The following PRKCB variants were observed in gnomAD, a reference collection of about 807,000 sequenced individuals.
The protein encoded by PRKCB is protein kinase C beta.
In PRKCB, 13 loss-of-function variants were observed where a neutral mutation model predicts 81.5. The observed-to-expected ratio is 0.16, with a 90% CI of 0.10 to 0.25. PRKCB has a LOEUF of 0.25. PRKCB is among the 10% of genes least tolerant of loss of function. PRKCB has a pLI of 1.00. For missense variants in PRKCB, 509 were observed against 875.7 expected (o/e 0.58, Z 5.29); for synonymous variants, 335 against 321.4 (o/e 1.04, Z -0.45).
intron 5 of PRKCB, among the ~76,000 whole-genome samples, chr16:24,079,029 G>A (rs1436516608): frequency 6.6e-6 from 1 of 152,190 alleles, no homozygotes; most frequent in Non-Finnish European, 1.5e-5. Flanking sequence ...TATACATCCA[G>A]ATGGCCTGAA....
At chr16:24,002,655 A>T (rs1965054070) in intron 3 of PRKCB, among the ~76,000 whole-genome samples, 1 of 151,956 alleles carries the variant, frequency 6.6e-6, no homozygotes, top group South Asian at 2.1e-4. Context: ...GGTGTTTTTT[A>T]AGCCTTTGTT....
intron 2 of PRKCB, among the ~76,000 whole-genome samples, chr16:23,882,043 T>TTCCTTCCTTCCTTCCTTCCTTCCTTC (rs1963130599): frequency 8.3e-6 from 1 of 120,600 alleles, no homozygotes; most frequent in Non-Finnish European, 1.7e-5. Flanking sequence ...CCTTCCTTCC[T>TTCCTTCCTTCCTTCCTTCCTTCCTTC]TCCTTCCTTC....
At chr16:24,210,763 G>C (rs923684059) in intron 16 of PRKCB, among the ~76,000 whole-genome samples, 3 of 152,128 alleles carry the variant, frequency 2.0e-5, no homozygotes, top group Non-Finnish European at 4.4e-5. Context: ...GCCTCTCAAA[G>C]TGCTGGGATT....
At chr16:23,863,815 A>G (rs573292455) in intron 2 of PRKCB, among the ~76,000 whole-genome samples, 61 of 152,286 alleles carry the variant, frequency 4.0e-4, no homozygotes, top group African/African-American at 5.8e-4. Flanking sequence ...ATCCATCAGC[A>G]CCAAGAATGT....
chr16:23,939,785 A>G (rs7202347), intron 2 of PRKCB, among the ~76,000 whole-genome samples: 52,405 of 152,088 alleles, frequency 0.34, 9,293 homozygotes, highest in South Asian at 0.52. Context: ...TTTGGAATCT[A>G]GGGTCAGGGA....
intron 2 of PRKCB, among the ~76,000 whole-genome samples, chr16:23,844,420 T>G (rs908383415): frequency 1.5e-4 from 23 of 152,336 alleles, no homozygotes; most frequent in African/African-American, 5.5e-4. Flanking sequence ...ATCCCTCCAT[T>G]TATCCACCCA....
At chr16:24,045,446 T>G (rs929298847) in intron 5 of PRKCB, among the ~76,000 whole-genome samples, 9 of 152,194 alleles carry the variant, frequency 5.9e-5, no homozygotes, top group African/African-American at 2.2e-4. Context: ...GCATATGTTC[T>G]GGGAACCACC....
chr16:23,935,613 A>G (rs1964047645), intron 2 of PRKCB, among the ~76,000 whole-genome samples: 1 of 152,236 alleles, frequency 6.6e-6, no homozygotes, highest in Non-Finnish European at 1.5e-5. Context: ...ACTCAAAAAA[A>G]AATACAAAAT....
Position 24,219,202 on chromosome 16 carries a change from AG to A in PRKCB, c.*4387del. On this transcript the variant is annotated 3_prime_UTR_variant, in exon 17 of 17. Coordinates refer to ENST00000643927, the MANE Select transcript of PRKCB (RefSeq NM_002738.7). ...CTCCACCTCCCTACTGAACAAAAAA[AG>A]AAATGCCAGACTTACTAGGAGAATC... 2.0e-6 allele frequency: 2 copies of A among 985,414 alleles called. No individual in the cohort carries two copies. Among genetic ancestry groups the A allele is most frequent in the Non-Finnish European group, 2.4e-6 (2 of 829,992 alleles). 61.0% of individuals were successfully genotyped at this position (985,414 alleles called of 1,614,324 possible).
intron 9 of PRKCB, among the ~76,000 whole-genome samples, chr16:24,125,243 C>A (rs1296141121): frequency 1.3e-5 from 2 of 152,182 alleles, no homozygotes; most frequent in Non-Finnish European, 2.9e-5. Context: ...TGCTTAAGAC[C>A]CTCCAATGAC....
At chr16:24,073,234 G>A (rs1442904544) in intron 5 of PRKCB, among the ~76,000 whole-genome samples, 1 of 152,192 alleles carries the variant, frequency 6.6e-6, no homozygotes, top group African/African-American at 2.4e-5. Context: ...CTGTGATTAA[G>A]GTCAGGATTA....
intron 2 of PRKCB, among the ~76,000 whole-genome samples, chr16:23,986,322 T>C (rs910055863): frequency 6.6e-6 from 1 of 152,162 alleles, no homozygotes. Context: ...GGTGCAGTCA[T>C]GGCTCACTGC....
intron 2 of PRKCB, among the ~76,000 whole-genome samples, chr16:23,914,740 C>T (rs78579485): frequency 1.5e-3 from 225 of 152,294 alleles, no homozygotes; most frequent in Non-Finnish European, 2.5e-3. Context: ...ATCGATTTCA[C>T]TCATTTGGGC....
intron 2 of PRKCB, among the ~76,000 whole-genome samples, chr16:23,873,837 C>G (rs552721897): frequency 2.5e-4 from 38 of 152,272 alleles, no homozygotes; most frequent in Non-Finnish European, 5.1e-4. Flanking sequence ...ACTCTTCATC[C>G]TGCTTTTCAA....
intron 2 of PRKCB, among the ~76,000 whole-genome samples, chr16:23,841,159 A>G (rs1962256903): frequency 6.6e-6 from 1 of 151,738 alleles, no homozygotes; most frequent in Admixed American, 6.6e-5. Context: ...ACTCACGGTA[A>G]CCTCCATCTC....
chr16:24,021,083 C>CTTTCTTTT (rs1419276170), intron 3 of PRKCB, among the ~76,000 whole-genome samples: 2 of 120,872 alleles, frequency 1.7e-5, no homozygotes, highest in Admixed American at 8.4e-5. Flanking sequence ...TTCTTTCTTT[C>CTTTCTTTT]TTTCTTTTTT....
At chr16:24,158,552 A>AAG (rs55845287) in intron 10 of PRKCB, among the ~76,000 whole-genome samples, 6 of 131,394 alleles carry the variant, frequency 4.6e-5, no homozygotes, top group Non-Finnish European at 1.0e-4. Flanking sequence ...GTATATGTAT[A>AAG]TGTATATGTA....
chr16:24,079,392 T>C (rs1271064523), intron 5 of PRKCB, among the ~76,000 whole-genome samples: 2 of 152,218 alleles, frequency 1.3e-5, no homozygotes, highest in African/African-American at 4.8e-5. Context: ...CCGCGTTGTG[T>C]CTAGTTCCAG....
intron 2 of PRKCB, among the ~76,000 whole-genome samples, chr16:23,935,009 T>A (rs979469746): frequency 6.6e-6 from 1 of 152,154 alleles, no homozygotes; most frequent in Non-Finnish European, 1.5e-5. Context: ...AGAGGAGGGA[T>A]TTGCTTGGGG....
Sources: allele counts gnomAD v4.1 joint callset (sites outside exome capture counted in the v4.1 genomes callset), GRCh38; gene constraint gnomAD v4.1.1; transcripts MANE v1.5; gene names NCBI Gene and HGNC (gene_info 2026-07-23, HGNC 2026-07-21).